The following CTNNA1 variants were observed in gnomAD, a reference collection of about 807,000 sequenced individuals.
CTNNA1 encodes the protein catenin alpha-1.
Under a neutral mutation model 98.4 loss-of-function variants are expected in CTNNA1, and 37 were observed. The observed-to-expected ratio is 0.38, with a 90% CI of 0.29 to 0.49. The LOEUF (loss-of-function observed/expected upper bound fraction) is 0.49. Among genes scored for constraint, CTNNA1 ranks in the 20% least tolerant of loss-of-function variants. The pLI, the probability that CTNNA1 is intolerant of heterozygous loss-of-function variation, is 0.95. For missense variants in CTNNA1, 761 were observed against 1,147.2 expected (o/e 0.66, Z 4.86); for synonymous variants, 404 against 413.2 (o/e 0.98, Z 0.27).
intron 7 of CTNNA1, among the ~76,000 whole-genome samples, chr5:138,866,062 A>G (rs1306071813): frequency 2.0e-5 from 3 of 151,966 alleles, no homozygotes; most frequent in African/African-American, 4.8e-5. Flanking sequence ...TGTAATCCCA[A>G]CTCTTTGTGG....
intron 3 of CTNNA1, among the ~76,000 whole-genome samples, chr5:138,791,353 T>G (rs1337844016): frequency 6.6e-6 from 1 of 151,968 alleles, no homozygotes; most frequent in Non-Finnish European, 1.5e-5. Context: ...GTGCGGTGGC[T>G]CATGTCTGTA....
intron 1 of CTNNA1, chr5:138,754,116 G>A (rs1397711593): frequency 6.6e-5 from 10 of 152,232 alleles, no homozygotes; most frequent in Admixed American, 6.5e-4. Flanking sequence ...ACACCCGTGT[G>A]GACTTTTGGC....
intron 17 of CTNNA1, 60 bp downstream of exon 17, chr5:138,932,772 GAA>G: frequency 6.3e-7 from 1 of 1,596,606 alleles, no homozygotes; most frequent in Non-Finnish European, 8.6e-7. Flanking sequence ...TGTCAGAAAT[GAA>G]AGTCACCTCC....
intron 7 of CTNNA1, among the ~76,000 whole-genome samples, chr5:138,835,396 A>G (rs932161545): frequency 6.6e-6 from 1 of 152,162 alleles, no homozygotes; most frequent in Non-Finnish European, 1.5e-5. Flanking sequence ...TATGATTTCC[A>G]TCTTTCTTTG....
At chr5:138,788,189 T>C (rs981706108) in intron 3 of CTNNA1, among the ~76,000 whole-genome samples, 1 of 152,230 alleles carries the variant, frequency 6.6e-6, no homozygotes, top group East Asian at 1.9e-4. Context: ...GGTTGCCTTT[T>C]CCTCTCTACG....
At chr5:138,794,328 A>G (rs1756697993) in intron 3 of CTNNA1, among the ~76,000 whole-genome samples, 2 of 152,030 alleles carry the variant, frequency 1.3e-5, no homozygotes, top group Non-Finnish European at 2.9e-5. Flanking sequence ...CTTTTCTTTC[A>G]AAAGATAAAC....
At chr5:138,922,070 C>A (rs1561748566) in intron 11 of CTNNA1, among the ~76,000 whole-genome samples, 1 of 151,968 alleles carries the variant, frequency 6.6e-6, no homozygotes, top group Non-Finnish European at 1.5e-5. Flanking sequence ...ATAAAGATAC[C>A]CAGGGCAGAG....
At chr5:138,809,737 A>G (rs1290778561) in intron 3 of CTNNA1, among the ~76,000 whole-genome samples, 2 of 151,558 alleles carry the variant, frequency 1.3e-5, no homozygotes, top group Non-Finnish European at 1.5e-5. Flanking sequence ...GATACATATA[A>G]TGCCCTTTTT....
chr5:138,861,021 C>T (rs1764222198), intron 7 of CTNNA1, among the ~76,000 whole-genome samples: 1 of 152,012 alleles, frequency 6.6e-6, no homozygotes, highest in South Asian at 2.1e-4. Context: ...CACTCCTGAA[C>T]ACAATCTTTT....
intron 7 of CTNNA1, among the ~76,000 whole-genome samples, chr5:138,855,926 A>G (rs780548502): frequency 3.3e-5 from 5 of 152,206 alleles, no homozygotes; most frequent in African/African-American, 7.2e-5. Context: ...TATTATTACA[A>G]TTTTTGAAAG....
chr5:138,760,063 T>G (rs1375335498), intron 1 of CTNNA1, among the ~76,000 whole-genome samples: 1 of 144,056 alleles, frequency 6.9e-6, no homozygotes, highest in Non-Finnish European at 1.5e-5. Context: ...GGCGCGATCT[T>G]GGCTCACCAC....
In CTNNA1 at chr5:138,929,226, G is replaced by C; in HGVS notation, c.1900-20G>C. On this transcript the variant is annotated intron_variant, in intron 13 of 17. Coordinates refer to ENST00000302763, the MANE Select transcript of CTNNA1 (RefSeq NM_001903.5). Reference sequence around the variant, plus strand: ...TGGCCCAGAGATGTGTCTGACCTGTGATCTTTGTCTGGGTGGCAGACCCCT... The same window carrying C: ...TGGCCCAGAGATGTGTCTGACCTGTCATCTTTGTCTGGGTGGCAGACCCCT... The C allele has an allele frequency of 7.3e-7, 1 of 1,361,774 alleles. No homozygotes were observed. The highest frequency in any genetic ancestry group is 1.2e-5 in the South Asian group (1 of 85,988). The allele number at this position is 1,361,774 out of a possible 1,614,324, so 84.4% of individuals were successfully genotyped here. A position where few individuals can be genotyped will look rare whatever the true frequency, so the allele number is the denominator to read the frequency against.
intron 3 of CTNNA1, among the ~76,000 whole-genome samples, chr5:138,790,255 T>G (rs1339018151): frequency 6.6e-6 from 1 of 152,228 alleles, no homozygotes; most frequent in Non-Finnish European, 1.5e-5. Flanking sequence ...TTTCAGTAGG[T>G]AAAACTAAGG....
At chr5:138,813,301 T>A (rs1561551921) in intron 5 of CTNNA1, among the ~76,000 whole-genome samples, 1 of 152,354 alleles carries the variant, frequency 6.6e-6, no homozygotes. Flanking sequence ...AAAGGACTGT[T>A]CCTTCCATAT....
At chr5:138,804,513 C>T (rs1017850283) in intron 3 of CTNNA1, among the ~76,000 whole-genome samples, 1 of 152,228 alleles carries the variant, frequency 6.6e-6, no homozygotes, top group Non-Finnish European at 1.5e-5. Context: ...CCTTCTGTCT[C>T]TATGGATTTG....
intron 11 of CTNNA1, 118 bp downstream of exon 11, chr5:138,918,016 T>C (rs1762172690): frequency 9.3e-7 from 1 of 1,071,520 alleles, no homozygotes; most frequent in Admixed American, 2.3e-5. Flanking sequence ...AACAATAATA[T>C]TGTGCTGGTT....
At chr5:138,883,402 C>T (rs764935393) in intron 7 of CTNNA1, among the ~76,000 whole-genome samples, 4 of 152,150 alleles carry the variant, frequency 2.6e-5, no homozygotes, top group Non-Finnish European at 5.9e-5. Flanking sequence ...ATTAATGAGG[C>T]ATAAACCTCT....
Position 138,873,413 on chromosome 5 carries a change from T to C in CTNNA1, c.1063-12799T>C, listed in dbSNP as rs752285650. The C allele has an allele frequency of 1.9e-6, 3 of 1,614,042 alleles. No individual in the cohort carries two copies. Among genetic ancestry groups the C allele is most frequent in the East Asian group, 2.2e-5 (1 of 44,890 alleles). The stretch of plus-strand genomic sequence containing the variant: ...ATGGTAACTTGATGAGCTTATTCTT[T>C]TTGTATATTCAGTGGTTGGATCTCT... On this transcript the variant is annotated intron_variant, in intron 7 of 17. Transcript: ENST00000302763. The surrounding 1 kb of genome is among the most constrained non-coding windows in gnomAD (Gnocchi z 6.1).
intron 1 of CTNNA1, among the ~76,000 whole-genome samples, chr5:138,761,787 C>T (rs1752410927): frequency 6.6e-6 from 1 of 152,188 alleles, no homozygotes. Context: ...CAGGGTCTCA[C>T]TCAGTCATCC....
Sources: gnomAD v4.1 joint callset for allele counts (sites outside exome capture counted in the v4.1 genomes callset) on GRCh38, gnomAD v4.1.1 for gene constraint, Gnocchi (gnomAD v3.1) non-coding constraint, MANE v1.5 for transcripts, NCBI Gene and HGNC (gene_info 2026-07-23, HGNC 2026-07-21) for gene names.